HS3ST5: variants seen among roughly 807,000 people sequenced by gnomAD.
HS3ST5 encodes heparan sulfate-glucosamine 3-sulfotransferase 5.
Under a neutral mutation model 25.4 loss-of-function variants are expected in HS3ST5, and 10 were observed. The observed-to-expected ratio is 0.39, with a 90% confidence interval of 0.24 to 0.67. The LOEUF is 0.67. HS3ST5 is among the 30% of genes least tolerant of loss of function. The pLI, the probability that HS3ST5 is intolerant of heterozygous loss-of-function variation, is 0.44. For synonymous variants in HS3ST5, 170 were observed against 162.4 expected (o/e 1.05, Z -0.36); for missense variants, 324 against 420.7 (o/e 0.77, Z 2.01).
At chr6:114,300,812 G>A (rs1485858271) in intron 1 of HS3ST5, among the ~76,000 whole-genome samples, 1 of 152,128 alleles carries the variant, frequency 6.6e-6, no homozygotes, top group East Asian at 1.9e-4. Context: ...GAATATTACT[G>A]TACAGTAAAA....
intron 1 of HS3ST5, among the ~76,000 whole-genome samples, chr6:114,312,322 G>GA (rs1416625230): frequency 6.6e-6 from 1 of 151,880 alleles, no homozygotes; most frequent in Non-Finnish European, 1.5e-5. Context: ...TATACAAATG[G>GA]AAAATCAAAA....
chr6:114,080,097 A>C (rs1582575580), intron 3 of HS3ST5, among the ~76,000 whole-genome samples: 1 of 152,172 alleles, frequency 6.6e-6, no homozygotes, highest in Admixed American at 6.5e-5. Flanking sequence ...TTCTTAAATA[A>C]TAAGACTTGA....
chr6:114,147,186 A>G (rs1197167051), intron 3 of HS3ST5, among the ~76,000 whole-genome samples: 1 of 152,234 alleles, frequency 6.6e-6, no homozygotes, highest in Non-Finnish European at 1.5e-5. Flanking sequence ...AAGCCAGCAC[A>G]TGACTTTGTG....
At chr6:114,229,510 G>T (rs1250353887) in intron 1 of HS3ST5, among the ~76,000 whole-genome samples, 1 of 152,162 alleles carries the variant, frequency 6.6e-6, no homozygotes. Context: ...CATAACAATA[G>T]TTCTCAGAGA....
intron 1 of HS3ST5, among the ~76,000 whole-genome samples, chr6:114,240,029 C>CAA (rs1044878180): frequency 1.3e-5 from 2 of 151,734 alleles, no homozygotes; most frequent in Admixed American, 1.3e-4. Flanking sequence ...CACACACACA[C>CAA]ACACACCGCT....
chr6:114,079,368 A>G (rs1454116379), intron 3 of HS3ST5, among the ~76,000 whole-genome samples: 1 of 152,210 alleles, frequency 6.6e-6, no homozygotes, highest in Non-Finnish European at 1.5e-5. Flanking sequence ...TGTCATCTCA[A>G]CAATGTTCAC....
chr6:114,320,208 T>C (rs892582258), intron 1 of HS3ST5, among the ~76,000 whole-genome samples: 1 of 152,130 alleles, frequency 6.6e-6, no homozygotes, highest in Non-Finnish European at 1.5e-5. Flanking sequence ...TCCATTTTTC[T>C]AATGAAACTG....
chr6:114,186,916 A>G (rs974659512), intron 2 of HS3ST5, among the ~76,000 whole-genome samples: 1 of 152,222 alleles, frequency 6.6e-6, no homozygotes, highest in Non-Finnish European at 1.5e-5. Flanking sequence ...CTTGAGAATT[A>G]TGCCAAATCT....
chr6:114,070,677 C>T (rs1773765248), intron 3 of HS3ST5, among the ~76,000 whole-genome samples: 1 of 152,142 alleles, frequency 6.6e-6, no homozygotes, highest in Non-Finnish European at 1.5e-5. Context: ...CACCCCTTCC[C>T]ACAACACTGC....
At chr6:114,108,227 G>A (rs1349741938) in intron 3 of HS3ST5, among the ~76,000 whole-genome samples, 1 of 152,146 alleles carries the variant, frequency 6.6e-6, no homozygotes, top group Non-Finnish European at 1.5e-5. Context: ...AGGAATAGCA[G>A]CTATAAGGAG....
intron 3 of HS3ST5, among the ~76,000 whole-genome samples, chr6:114,092,824 T>C (rs1775201716): frequency 6.6e-6 from 1 of 151,778 alleles, no homozygotes; most frequent in Non-Finnish European, 1.5e-5. Flanking sequence ...TACAGGCACA[T>C]ACCACTATAC....
At position 114,189,226 on chromosome 6, in the gene HS3ST5, C is replaced by T. The variant is rs568509692; in HGVS notation, c.-144-20764G>A. ...GAAATATTTTTTCTTCTGAATTTAC[C>T]TTGTATTGCTATTGAGAAGTCTGAC... On this transcript the variant is annotated intron_variant, in intron 2 of 4. Coordinates refer to ENST00000312719, the MANE Select transcript of HS3ST5 (RefSeq NM_153612.4). 2.1e-3 allele frequency among the ~76,000 whole-genome samples: 322 copies of T among 151,982 alleles called. 2 individuals are homozygous for T. The highest frequency in any genetic ancestry group is 7.3e-3 in the African/African-American group (303 of 41,468).
chr6:114,231,438 A>C (rs942773761), intron 1 of HS3ST5: 1 of 152,296 alleles, frequency 6.6e-6, no homozygotes, highest in African/African-American at 2.4e-5. Flanking sequence ...AGAACTATGA[A>C]CCAGTTAAGC....
At chr6:114,281,656 A>G (rs775230782) in intron 1 of HS3ST5, among the ~76,000 whole-genome samples, 1 of 151,994 alleles carries the variant, frequency 6.6e-6, no homozygotes, top group Non-Finnish European at 1.5e-5. Context: ...GAAGTAGGAC[A>G]TATTGCTGCT....
At position 114,162,338 on chromosome 6, in the gene HS3ST5, C is replaced by A. The variant is rs993131275; in HGVS notation, c.-33+6013G>T. On this transcript the variant is annotated intron_variant, in intron 3 of 4. Transcript: ENST00000312719. ...ATTAGTGTATTTTGTCTGTTCTCCT[C>A]CCACATCTAGTCATCACCTTCTGTC... Among the ~76,000 whole-genome samples, 3 of 152,110 alleles carry A rather than the reference C, an allele frequency of 2.0e-5. No homozygotes were observed. In the East Asian group the frequency reaches 5.8e-4, roughly 29 times the overall value.
intron 1 of HS3ST5, chr6:114,235,776 T>C (rs1309081263): frequency 6.6e-6 from 1 of 152,220 alleles, no homozygotes; most frequent in Non-Finnish European, 1.5e-5. Context: ...TTCCAGGTAA[T>C]GGCAGAAGTC....
intron 1 of HS3ST5, among the ~76,000 whole-genome samples, chr6:114,238,699 T>C (rs1343701923): frequency 1.3e-5 from 2 of 152,146 alleles, no homozygotes; most frequent in Non-Finnish European, 2.9e-5. Flanking sequence ...TATCCTGAGA[T>C]GTCACCAACT....
intron 1 of HS3ST5, among the ~76,000 whole-genome samples, chr6:114,241,051 A>T (rs1304454906): frequency 6.6e-6 from 1 of 152,140 alleles, no homozygotes; most frequent in Non-Finnish European, 1.5e-5. Flanking sequence ...TTAAAAAATG[A>T]AATCACAAGG....
intron 3 of HS3ST5, among the ~76,000 whole-genome samples, chr6:114,080,825 G>T (rs1389058089): frequency 6.6e-6 from 1 of 152,102 alleles, no homozygotes; most frequent in African/African-American, 2.4e-5. Flanking sequence ...ACTAACTATT[G>T]GGTATTATGG....
Sources: allele counts gnomAD v4.1 joint callset (sites outside exome capture counted in the v4.1 genomes callset), GRCh38; gene constraint gnomAD v4.1.1; transcripts MANE v1.5; gene names NCBI Gene and HGNC (gene_info 2026-07-23, HGNC 2026-07-21).